The following CLK3 variants were observed in gnomAD, a reference collection of about 807,000 sequenced individuals.
CLK3 encodes the protein dual specificity protein kinase CLK3.
Under a neutral mutation model 65.2 loss-of-function variants are expected in CLK3, and 24 were observed. That is an observed-to-expected ratio of 0.37 (90% CI 0.27 to 0.52). The LOEUF is 0.52. Among genes scored for constraint, CLK3 ranks in the 20% least tolerant of loss-of-function variants. The probability of loss-of-function intolerance (pLI) is 0.92; values close to 1 mark genes in which losing one functional copy is unlikely to be tolerated. For missense variants in CLK3, 506 were observed against 660.0 expected, an observed-to-expected ratio of 0.77 and a Z score of 2.56; for synonymous variants, 252 against 240.8, an observed-to-expected ratio of 1.05 and a Z score of -0.43.
chr15:74,612,820 C>T (rs1038354964), upstream of CLK3, among the ~76,000 whole-genome samples: 74 of 152,370 alleles, frequency 4.9e-4, 1 homozygote, highest in African/African-American at 1.7e-3. Context: ...ATACTGGGTA[C>T]AGCTCCCACA....
Position 74,624,347 on chromosome 15 carries a change from G to C in CLK3, c.534-555G>C, listed in dbSNP as rs554281723. The stretch of plus-strand genomic sequence containing the variant: ...CACTGATAAACACTGTGGCAGGTAG[G>C]TGCGGCTGGAGAGGGGTGTGGTAAA... On this transcript the variant is annotated intron_variant, in intron 5 of 12. Transcript: ENST00000395066. The surrounding 1 kb of genome is among the most constrained non-coding windows in gnomAD (Gnocchi z 4.2). The C allele has an allele frequency of 3.7e-4, 58 of 155,442 alleles. No homozygotes were observed. The South Asian group carries it at 0.011, about 30-fold the overall frequency. The allele number at this position is 155,442 out of a possible 1,614,324, so 9.6% of individuals were successfully genotyped here. A position where few individuals can be genotyped will look rare whatever the true frequency, so the allele number is the denominator to read the frequency against.
Position 74,629,714 on chromosome 15 carries a change from T to A in CLK3, c.1304T>A (p.Met435Lys). The A allele has an allele frequency of 6.2e-7, 1 of 1,611,794 alleles. No individual in the cohort carries two copies. Among genetic ancestry groups the A allele is most frequent in the East Asian group, 2.2e-5 (1 of 44,826 alleles). ...KENCKPLKSY[M>K]LQDSLEHVQL... Reference sequence around the variant, plus strand: ...CCTTGTGTCCCTGAGCAGAGTTACATGCTCCAAGACTCCCTGGAGCACGTG... The same window carrying A: ...CCTTGTGTCCCTGAGCAGAGTTACAAGCTCCAAGACTCCCTGGAGCACGTG... The change falls in exon 13 of 13, where the codon ATG (methionine) becomes AAG (lysine). Residue 435 changes from methionine to lysine, a missense_variant. By Grantham distance (95) the Met-to-Lys change is moderately conservative (BLOSUM62 -1). Coordinates refer to ENST00000395066, the MANE Select transcript of CLK3 (RefSeq NM_001130028.2).
upstream of CLK3, chr15:74,615,330 C>T: frequency 1.0e-6 from 1 of 956,860 alleles, no homozygotes; most frequent in Non-Finnish European, 1.4e-6. Context: ...TTTCAAAAAA[C>T]CCGCACACAC....
chr15:74,627,539 A>C lies in CLK3; in HGVS notation c.913A>C (p.Ser305Arg), dbSNP rs765392808. 6.2e-7 allele frequency: 1 copy of C among 1,614,128 alleles called. No individual in the cohort carries two copies. Among genetic ancestry groups the C allele is most frequent in the Non-Finnish European group, 8.5e-7 (1 of 1,180,012 alleles). ...CTGGCAGGCCTGCCTTGCCTTTCAGAGCTGTGAGGAGAAGTCAGTGAAGAA... is the reference window on the plus strand; with the variant it reads ...CTGGCAGGCCTGCCTTGCCTTTCAGCGCTGTGAGGAGAAGTCAGTGAAGAA... ...EFETLYNEHK[S>R]CEEKSVKNTS... Residue 305 changes from serine to arginine, a missense_variant and splice_region_variant, in exon 9 of 13, where the codon AGC becomes CGC. By Grantham distance (110) the Ser-to-Arg change is moderately radical. Transcript: ENST00000395066. This position sits in a 1 kb window ranked among gnomAD's most constrained non-coding sequence, Gnocchi z 4.3.
chr15:74,629,965 C>G lies in CLK3; in HGVS notation c.*82C>G. Reference sequence around the variant, plus strand: ...TGACTCCAGCCTCGACCGCCAGGCCCCAGGCCAGAGCCACCCAATGAACAG... The same window carrying G: ...TGACTCCAGCCTCGACCGCCAGGCCGCAGGCCAGAGCCACCCAATGAACAG... On this transcript the variant is annotated 3_prime_UTR_variant, in exon 13 of 13. Coordinates refer to ENST00000395066, the MANE Select transcript of CLK3 (RefSeq NM_001130028.2). 3 of 1,389,942 alleles carry G rather than the reference C, an allele frequency of 2.2e-6. No homozygotes were observed. The highest frequency in any genetic ancestry group is 2.9e-6 in the Non-Finnish European group (3 of 1,018,268). 86.1% of individuals were successfully genotyped at this position (1,389,942 alleles called of 1,614,324 possible).
In CLK3 at chr15:74,622,351, G is replaced by A; in HGVS notation, c.466+135G>A. 2 of 1,030,378 alleles carry A rather than the reference G, an allele frequency of 1.9e-6. No individual in the cohort carries two copies. Among genetic ancestry groups the A allele is most frequent in the South Asian group, 3.0e-5 (2 of 67,400 alleles). 63.8% of individuals were successfully genotyped at this position (1,030,378 alleles called of 1,614,324 possible). A position where few individuals can be genotyped will look rare whatever the true frequency, so the allele number is the denominator to read the frequency against. ...CACCAGTAATTGCCTGAATGACACA[G>A]ACACTAGCAACTTCCATTTTTAAGA... On this transcript the variant is annotated intron_variant, in intron 4 of 12. Transcript: ENST00000395066. This position sits in a 1 kb window ranked among gnomAD's most constrained non-coding sequence, Gnocchi z 4.6.
intron 7 of CLK3, among the ~76,000 whole-genome samples, chr15:74,626,254 C>T (rs1165137858): frequency 1.3e-5 from 2 of 152,224 alleles, no homozygotes; most frequent in African/African-American, 4.8e-5. Flanking sequence ...AACCACCAAC[C>T]CTGCCTCCCT....
chr15:74,615,924 GGCGACA>G (rs2062054253), intron 1 of CLK3, 26 bp downstream of exon 1: 1 of 1,239,650 alleles, frequency 8.1e-7, no homozygotes, highest in African/African-American at 1.6e-5. Context: ...GGTCCGCGGC[GGCGACA>G]GCGGCGGCGG....
chr15:74,629,561 T>C (rs1234799190), intron 12 of CLK3, 146 bp from the exon 13 acceptor site: 11 of 621,878 alleles, frequency 1.8e-5, no homozygotes, highest in Non-Finnish European at 3.2e-5. Flanking sequence ...AGCTGCTCAT[T>C]GTCCAGGAGG....
At chr15:74,614,630 CT>C (rs1294827857), upstream of CLK3, among the ~76,000 whole-genome samples, 1 of 152,268 alleles carries the variant, frequency 6.6e-6, no homozygotes, top group Non-Finnish European at 1.5e-5. Flanking sequence ...GGGAGAGCCG[CT>C]GGCGAAGGAC....
chr15:74,624,957 G>A lies in CLK3; in HGVS notation c.589G>A (p.Ala197Thr). ...IIRNVGKYRE[A>T]ARLEINVLKK... ...CCGCAACGTGGGCAAGTACCGGGAG[G>A]CTGCCCGGCTAGAAATCAACGTGCT... The change falls in exon 6 of 13, where the codon GCT becomes ACT. Residue 197 changes from alanine (A) to threonine (T), a missense_variant. Physicochemically the swap from Ala to Thr is moderately conservative, Grantham distance 58. Around this residue, in one of 2 missense-constraint regions of CLK3, gnomAD observed 325 missense variants for 500.5 expected, o/e 0.65. Transcript: ENST00000395066. This position sits in a 1 kb window ranked among gnomAD's most constrained non-coding sequence, Gnocchi z 4.2. The A allele has an allele frequency of 6.2e-7, 1 of 1,613,028 alleles. No individual in the cohort carries two copies. The highest frequency in any genetic ancestry group is 8.5e-7 in the Non-Finnish European group (1 of 1,179,600).
chr15:74,618,569 A>T (rs2062077400), intron 1 of CLK3, among the ~76,000 whole-genome samples: 2 of 152,180 alleles, frequency 1.3e-5, no homozygotes, highest in Non-Finnish European at 2.9e-5. Flanking sequence ...GTTGACCCTC[A>T]GGAGGGCTAT....
Position 74,627,462 on chromosome 15 carries a change from A to G in CLK3, c.912+16A>G, listed in dbSNP as rs752944550. 193 of 1,613,962 alleles carry G rather than the reference A, an allele frequency of 1.2e-4. No homozygotes were observed. The highest frequency in any genetic ancestry group is 1.6e-4 in the Non-Finnish European group (185 of 1,179,908). ...TGAGCACAAGGTATTGGTGGGGGTA[A>G]GGGTGAGGCCCTGTTTCAGGGGTGG... On this transcript the variant is annotated intron_variant, in intron 8 of 12. Coordinates refer to ENST00000395066, the MANE Select transcript of CLK3 (RefSeq NM_001130028.2). This position sits in a 1 kb window ranked among gnomAD's most constrained non-coding sequence, Gnocchi z 4.3.
chr15:74,629,809 C>G lies in CLK3; in HGVS notation c.1399C>G (p.Leu467Val). 6.2e-7 allele frequency: 1 copy of G among 1,613,236 alleles called. No homozygotes were observed. The highest frequency in any genetic ancestry group is 2.2e-5 in the East Asian group (1 of 44,822). The change falls in exon 13 of 13, where the codon CTG (leucine) becomes GTG (valine). Residue 467 changes from leucine to valine, a missense_variant. Around this residue, in one of 2 missense-constraint regions of CLK3, gnomAD observed 325 missense variants for 500.5 expected, o/e 0.65. Coordinates refer to ENST00000395066, the MANE Select transcript of CLK3 (RefSeq NM_001130028.2). Reference protein sequence around the residue: ...PAQRITLAEALLHPFFAGLTP... With the variant: ...PAQRITLAEAVLHPFFAGLTP... ...CCAGCGCATCACACTGGCCGAGGCC[C>G]TGCTGCACCCCTTCTTTGCTGGCCT...
At position 74,627,715 on chromosome 15, in the gene CLK3, G is replaced by C. The variant is rs777340185; in HGVS notation, c.1042+47G>C. ...GACCTTGTCATACTGGACTGTTGTT[G>C]GGAGGGTATGAGCAGAGGCAGTGGC... is the stretch of plus-strand genomic sequence containing the variant. On this transcript the variant is annotated intron_variant, in intron 9 of 12. Coordinates refer to ENST00000395066, the MANE Select transcript of CLK3 (RefSeq NM_001130028.2). This position sits in a 1 kb window ranked among gnomAD's most constrained non-coding sequence, Gnocchi z 4.3. 1 of 1,610,608 alleles carries C rather than the reference G, an allele frequency of 6.2e-7. No individual in the cohort carries two copies. The highest frequency in any genetic ancestry group is 2.2e-5 in the East Asian group (1 of 44,854).
At chr15:74,618,447 C>T (rs1048383768) in intron 1 of CLK3, among the ~76,000 whole-genome samples, 5 of 152,106 alleles carry the variant, frequency 3.3e-5, no homozygotes, top group East Asian at 1.9e-4. Context: ...GGGACAGTAA[C>T]GGTACTGTTG....
In CLK3 at chr15:74,627,964, T is replaced by C; in HGVS notation, c.1043-6T>C. ...TCTCACAGCCTCTCCCCATCTTGGC[T>C]TGCAGAGCTGGGCTGGGCACAGCCC... On this transcript the variant is annotated splice_polypyrimidine_tract_variant and splice_region_variant and intron_variant, in intron 9 of 12. Coordinates refer to ENST00000395066, the MANE Select transcript of CLK3 (RefSeq NM_001130028.2). The surrounding 1 kb of genome is among the most constrained non-coding windows in gnomAD (Gnocchi z 4.3). The C allele has an allele frequency of 1.2e-6, 2 of 1,609,250 alleles. No homozygotes were observed. Among genetic ancestry groups the C allele is most frequent in the Non-Finnish European group, 1.7e-6 (2 of 1,175,478 alleles).
At position 74,622,206 on chromosome 15, in the gene CLK3, C is replaced by G. The variant is rs185697890; in HGVS notation, c.456C>G (p.Leu152=). 2.5e-6 allele frequency: 4 copies of G among 1,613,346 alleles called. No individual in the cohort carries two copies. The highest frequency in any genetic ancestry group is 1.7e-5 in the Admixed American group (1 of 60,010). The change falls in exon 4 of 13, where the codon CTC becomes CTG. Residue 152 remains leucine, a synonymous_variant. Coordinates refer to ENST00000395066, the MANE Select transcript of CLK3 (RefSeq NM_001130028.2). The surrounding 1 kb of genome is among the most constrained non-coding windows in gnomAD (Gnocchi z 4.6). ...TGGTGTGCCGGATCGGCGATTGGCT[C>G]CAAGAGCGATGTACAGCCACCTTTC... The part of the protein sequence containing the change: ...GHLVCRIGDW[L]QERYEIVGNL...
At chr15:74,628,804 T>C (rs1171082298) in intron 11 of CLK3, 121 bp downstream of exon 11, 3 of 1,045,008 alleles carry the variant, frequency 2.9e-6, no homozygotes, top group Non-Finnish European at 4.3e-6. Context: ...CGCAGGCTCC[T>C]AAAAGCCTTC....
Sources: gnomAD v4.1 joint callset for allele counts (sites outside exome capture counted in the v4.1 genomes callset) on GRCh38, gnomAD v4.1.1 for gene constraint, gnomAD v4.1.1 regional missense constraint, Gnocchi (gnomAD v3.1) non-coding constraint, MANE v1.5 for transcripts, NCBI Gene and HGNC (gene_info 2026-07-23, HGNC 2026-07-21) for gene names.